The following SLC39A11 variants were observed in gnomAD, a reference collection of about 807,000 sequenced individuals.
SLC39A11 encodes solute carrier family 39 member 11, also known as zinc transporter ZIP11.
In SLC39A11, 33 loss-of-function variants were observed where a neutral mutation model predicts 36.1. The ratio of observed to expected loss-of-function variants is 0.91; its 90% CI spans 0.69 to 1.22. SLC39A11 has a LOEUF of 1.22. Ranked by LOEUF, SLC39A11 falls within the 50% of genes most tolerant of loss-of-function variation. The pLI, the probability that SLC39A11 is intolerant of heterozygous loss-of-function variation, is 0.00. For missense variants in SLC39A11, 432 were observed against 430.3 expected (o/e 1.00, Z -0.03); for synonymous variants, 166 against 170.3 (o/e 0.97, Z 0.20).
chr17:72,649,113 G>C, intron 8 of SLC39A11, 57 bp downstream of exon 8: 8 of 1,575,486 alleles, frequency 5.1e-6, no homozygotes, highest in Non-Finnish European at 6.9e-6. Flanking sequence ...CTGTTTTGTT[G>C]AAAGAAGCCC....
intron 6 of SLC39A11, among the ~76,000 whole-genome samples, chr17:72,793,321 C>T (rs2076779274): frequency 6.6e-6 from 1 of 152,164 alleles, no homozygotes; most frequent in Admixed American, 6.5e-5. Context: ...TTTTGGCTGG[C>T]ACATCTTAAG....
intron 7 of SLC39A11, among the ~76,000 whole-genome samples, chr17:72,704,530 G>A (rs984665821): frequency 1.3e-5 from 2 of 152,144 alleles, no homozygotes; most frequent in Non-Finnish European, 2.9e-5. Context: ...TATTTGATAC[G>A]CTTTTCAGTG....
At chr17:72,649,510 C>T (rs2069744125) in intron 7 of SLC39A11, among the ~76,000 whole-genome samples, 1 of 152,262 alleles carries the variant, frequency 6.6e-6, no homozygotes, top group Non-Finnish European at 1.5e-5. Context: ...CAGGCTCTGT[C>T]CTTACAATGC....
chr17:72,841,659 A>G (rs912068776), intron 6 of SLC39A11, among the ~76,000 whole-genome samples: 9 of 152,190 alleles, frequency 5.9e-5, no homozygotes, highest in African/African-American at 1.9e-4. Flanking sequence ...TATAGTCAAT[A>G]ATATAATAAT....
chr17:72,763,379 C>T (rs1434519835), intron 6 of SLC39A11, among the ~76,000 whole-genome samples: 3 of 152,184 alleles, frequency 2.0e-5, no homozygotes, highest in African/African-American at 4.8e-5. Flanking sequence ...TTTTAGAAAT[C>T]TTAAATACTC....
chr17:72,852,137 G>A (rs79832350), intron 5 of SLC39A11, among the ~76,000 whole-genome samples: 56,787 of 144,790 alleles, frequency 0.39, 13,686 homozygotes, highest in Non-Finnish European at 0.53. Context: ...CCCAGGAGGC[G>A]GAGCTTGCAG....
At chr17:72,779,449 A>T (rs995614871) in intron 6 of SLC39A11, among the ~76,000 whole-genome samples, 1 of 146,198 alleles carries the variant, frequency 6.8e-6, no homozygotes, top group Non-Finnish European at 1.5e-5. Flanking sequence ...AAAATAAAAT[A>T]AAAAAATAAA....
chr17:72,731,438 G>T (rs1432765902), intron 7 of SLC39A11, among the ~76,000 whole-genome samples: 3 of 152,104 alleles, frequency 2.0e-5, no homozygotes, highest in Non-Finnish European at 4.4e-5. Flanking sequence ...GATCATGGGG[G>T]CGGCTTTCCT....
At chr17:72,666,742 T>C (rs2070773532) in intron 7 of SLC39A11, among the ~76,000 whole-genome samples, 1 of 152,178 alleles carries the variant, frequency 6.6e-6, no homozygotes, top group South Asian at 2.1e-4. Flanking sequence ...TCAGGGCTCG[T>C]GAGAAATCCT....
chr17:72,710,880 T>G (rs1478074731), intron 7 of SLC39A11, among the ~76,000 whole-genome samples: 4 of 152,232 alleles, frequency 2.6e-5, no homozygotes, highest in Non-Finnish European at 5.9e-5. Flanking sequence ...TTTTCATCAT[T>G]TTAATGTCTT....
intron 7 of SLC39A11, among the ~76,000 whole-genome samples, chr17:72,683,985 T>C (rs1175578332): frequency 5.3e-5 from 8 of 152,150 alleles, no homozygotes; most frequent in Admixed American, 4.6e-4. Flanking sequence ...GGAGGGGCTC[T>C]TTAAGTCCCA....
intron 5 of SLC39A11, among the ~76,000 whole-genome samples, chr17:72,885,206 G>C (rs2081384831): frequency 6.6e-6 from 1 of 152,154 alleles, no homozygotes; most frequent in African/African-American, 2.4e-5. Flanking sequence ...CTATTCCTCA[G>C]TTTTTGCCTC....
At chr17:72,844,878 C>T (rs555331376) in intron 6 of SLC39A11, among the ~76,000 whole-genome samples, 48 of 152,322 alleles carry the variant, frequency 3.2e-4, no homozygotes, top group Admixed American at 5.9e-4. Context: ...CAGCCTTCCT[C>T]GTCTCAGTTG....
chr17:72,906,327 G>A (rs1022737004), intron 5 of SLC39A11, among the ~76,000 whole-genome samples: 1 of 152,264 alleles, frequency 6.6e-6, no homozygotes, highest in South Asian at 2.1e-4. Flanking sequence ...GCCAGGCCAA[G>A]GAGTCTAAAA....
chr17:73,035,378 T>C (rs555521340), intron 3 of SLC39A11, among the ~76,000 whole-genome samples: 2 of 151,976 alleles, frequency 1.3e-5, no homozygotes, highest in Admixed American at 1.3e-4. Context: ...TGGCCTCAAG[T>C]GATTGCCCAC....
chr17:73,048,912 A>G (rs951815461), intron 3 of SLC39A11, among the ~76,000 whole-genome samples: 2 of 152,234 alleles, frequency 1.3e-5, no homozygotes, highest in African/African-American at 4.8e-5. Context: ...AACATGGTAG[A>G]TACAGGTGTC....
At chr17:72,779,588 TC>T (rs2076242630) in intron 6 of SLC39A11, among the ~76,000 whole-genome samples, 1 of 152,138 alleles carries the variant, frequency 6.6e-6, no homozygotes, top group Non-Finnish European at 1.5e-5. Context: ...TGCTAACCCA[TC>T]GCTCTCTTTG....
At chr17:72,861,663 ATATATATAT>A (rs1482437646) in intron 5 of SLC39A11, among the ~76,000 whole-genome samples, 1 of 100,312 alleles carries the variant, frequency 1.0e-5, no homozygotes, top group Non-Finnish European at 2.0e-5. Flanking sequence ...CACATTATAT[ATATATATAT>A]ATATATATAT....
At chr17:72,775,236 C>T (rs1159760929) in intron 6 of SLC39A11, among the ~76,000 whole-genome samples, 1 of 152,146 alleles carries the variant, frequency 6.6e-6, no homozygotes, top group Non-Finnish European at 1.5e-5. Context: ...TGAGGACCCC[C>T]TTGCAGCCCA....
Sources: gnomAD v4.1 joint callset for allele counts (sites outside exome capture counted in the v4.1 genomes callset) on GRCh38, gnomAD v4.1.1 for gene constraint, MANE v1.5 for transcripts, NCBI Gene and HGNC (gene_info 2026-07-23, HGNC 2026-07-21) for gene names.